Variants in STX2 observed in about 807,000 individuals in gnomAD.
STX2 encodes the protein syntaxin-2.
Under a neutral mutation model 40.6 loss-of-function variants are expected in STX2, and 27 were observed. The observed-to-expected ratio is 0.66, with a 90% CI of 0.49 to 0.92. STX2 has a LOEUF of 0.92. Among genes scored for constraint, STX2 ranks in the 40% least tolerant of loss-of-function variants. The probability of loss-of-function intolerance (pLI) is 0.00; values close to 1 mark genes in which losing one functional copy is unlikely to be tolerated. For synonymous variants in STX2, 123 were observed against 119.1 expected, an observed-to-expected ratio of 1.03 and a Z score of -0.22; for missense variants, 328 against 366.1, an observed-to-expected ratio of 0.90 and a Z score of 0.85.
intron 3 of STX2, among the ~76,000 whole-genome samples, chr12:130,818,185 AATATATATATATAT>A (rs1168152790): frequency 4.3e-5 from 3 of 70,586 alleles, no homozygotes; most frequent in South Asian, 3.7e-4. Context: ...AAAAAAAAAA[AATATATATATATAT>A]ATATATATAT....
chr12:130,802,249 G>GT (rs1464577426), intron 6 of STX2, among the ~76,000 whole-genome samples: 3 of 152,226 alleles, frequency 2.0e-5, no homozygotes, highest in African/African-American at 7.2e-5. Flanking sequence ...CCAGCCTGGA[G>GT]TGCAGGGGCA....
At chr12:130,837,854 T>C (rs916524985) in intron 1 of STX2, among the ~76,000 whole-genome samples, 2 of 152,176 alleles carry the variant, frequency 1.3e-5, no homozygotes, top group African/African-American at 2.4e-5. Flanking sequence ...ATTTGTCCAT[T>C]AATAAAAAAG....
chr12:130,802,071 T>C lies in STX2; in HGVS notation c.464-583A>G, dbSNP rs534084928. The stretch of plus-strand genomic sequence containing the variant: ...TTCAAATGTCATCTAATAAGCAGCA[T>C]TATTCATAATTGCCAAAAAGTGGAA... On this transcript the variant is annotated intron_variant, in intron 6 of 10. Transcript: ENST00000392373. Among the ~76,000 whole-genome samples the C allele has an allele frequency of 3.9e-4, 59 of 152,334 alleles. 2 individuals carry two copies. In the South Asian group the frequency reaches 0.012, roughly 30 times the overall value.
chr12:130,810,900 A>G (rs1386493858), intron 4 of STX2: 2 of 152,322 alleles, frequency 1.3e-5, no homozygotes, highest in South Asian at 2.1e-4. Flanking sequence ...CATTCGTCCT[A>G]CAGAACCTGC....
chr12:130,808,439 T>C (rs73162871), intron 5 of STX2, among the ~76,000 whole-genome samples, 192 bp downstream of exon 5: 26 of 152,360 alleles, frequency 1.7e-4, no homozygotes, highest in Non-Finnish European at 3.8e-4. Context: ...TTTCTCCAAG[T>C]GTGTCCTCAA....
intron 1 of STX2, among the ~76,000 whole-genome samples, chr12:130,835,813 T>C (rs1413081082): frequency 6.6e-6 from 1 of 152,172 alleles, no homozygotes; most frequent in East Asian, 1.9e-4. Flanking sequence ...TCACGCAAAC[T>C]TTCTATGCCC....
At chr12:130,812,914 A>G in intron 4 of STX2, 43 bp downstream of exon 4, 2 of 1,323,716 alleles carry the variant, frequency 1.5e-6, no homozygotes, top group Non-Finnish European at 2.1e-6. Context: ...ACAAATACCC[A>G]TACTCCCAAC....
chr12:130,827,237 C>G lies in STX2; in HGVS notation c.61G>C (p.Val21Leu). ...ATGAAATGATCTTTCTCAACCACAA[C>G]AACTGTGTCTCCATCATCATTCTTC... Reference protein sequence around the residue: ...CRKNDDGDTVVVVEKDHFMDD... With the variant: ...CRKNDDGDTVLVVEKDHFMDD... The change falls in exon 2 of 11, where the codon GTT becomes CTT. Residue 21 changes from valine to leucine, a missense_variant. Transcript: ENST00000392373. 6.2e-7 allele frequency: 1 copy of G among 1,613,982 alleles called. No individual in the cohort carries two copies. The highest frequency in any genetic ancestry group is 8.5e-7 in the Non-Finnish European group (1 of 1,179,948).
chr12:130,829,472 T>G (rs980293035), intron 1 of STX2, among the ~76,000 whole-genome samples: 8 of 151,840 alleles, frequency 5.3e-5, no homozygotes, highest in Non-Finnish European at 1.0e-4. Flanking sequence ...CACTCTACCC[T>G]GGGGGAAGAT....
chr12:130,827,599 T>C (rs975183976), intron 1 of STX2, among the ~76,000 whole-genome samples: 2 of 152,254 alleles, frequency 1.3e-5, no homozygotes, highest in Admixed American at 6.5e-5. Flanking sequence ...AAACTGCTGG[T>C]GTTGCATATT....
At position 130,806,421 on chromosome 12, in the gene STX2, C is replaced by G. The variant is rs538957348; in HGVS notation, c.463+561G>C. On this transcript the variant is annotated intron_variant, in intron 6 of 10. Transcript: ENST00000392373. ...GAGAGGCAGAGCAGCTGCAGTGGGA[C>G]GTCCTCACAGTGGGTTTGTGTCACA... Among the ~76,000 whole-genome samples, 13 of 152,308 alleles carry G rather than the reference C, an allele frequency of 8.5e-5. No homozygotes were observed. In the East Asian group the frequency reaches 2.3e-3, roughly 27 times the overall value.
In STX2 at chr12:130,821,071, G is replaced by A. The variant is rs148302793; in HGVS notation, c.205+618C>T. Among the ~76,000 whole-genome samples the A allele has an allele frequency of 4.0e-3, 616 of 152,246 alleles. 17 individuals carry two copies. Among genetic ancestry groups the A allele is most frequent in the Admixed American group, 0.037 (564 of 15,288 alleles). ...CCAATGAGGAGATGCAAATACCACG[G>A]GGAAGCAAATTGAGACAAAAATCCA... On this transcript the variant is annotated intron_variant, in intron 3 of 10. Transcript: ENST00000392373.
At chr12:130,819,068 C>A (rs937640721) in intron 3 of STX2, among the ~76,000 whole-genome samples, 1 of 152,242 alleles carries the variant, frequency 6.6e-6, no homozygotes, top group Non-Finnish European at 1.5e-5. Context: ...CCTCTCTGCC[C>A]TGGGATCCGC....
intron 1 of STX2, among the ~76,000 whole-genome samples, chr12:130,830,775 G>GTCCATATCTCAGTCCA (rs1952529829): frequency 6.6e-6 from 1 of 152,134 alleles, no homozygotes; most frequent in Admixed American, 6.5e-5. Context: ...TCCATGTTCA[G>GTCCATATCTCAGTCCA]TCTTTCAGGC....
At chr12:130,813,113 T>A in intron 3 of STX2, 82 bp from the exon 4 acceptor site, 1 of 853,100 alleles carries the variant, frequency 1.2e-6, no homozygotes, top group East Asian at 3.2e-5. Context: ...TAAATTTAAG[T>A]GAAACAGTAT....
chr12:130,802,668 AT>A lies in STX2; in HGVS notation c.464-1181del, dbSNP rs369083644. On this transcript the variant is annotated intron_variant, in intron 6 of 10. Transcript: ENST00000392373. ...ACACACCCATGCCTGGTTTATTTTT[AT>A]TTTTTTTTACAGAGATGGGGTTTTG... 7.5e-4 allele frequency among the ~76,000 whole-genome samples: 113 copies of A among 150,508 alleles called. 1 individual carries two copies. The highest frequency in any genetic ancestry group is 2.7e-3 in the African/African-American group (110 of 41,050).
chr12:130,804,486 T>A (rs1247946645), intron 6 of STX2, among the ~76,000 whole-genome samples: 1 of 152,100 alleles, frequency 6.6e-6, no homozygotes, highest in Non-Finnish European at 1.5e-5. Context: ...TGGTCCCAAG[T>A]GTTGTCAAGC....
At chr12:130,808,496 C>T (rs188965867) in intron 5 of STX2, 135 bp downstream of exon 5, 2 of 837,112 alleles carry the variant, frequency 2.4e-6, no homozygotes, top group African/African-American at 3.5e-5. Flanking sequence ...TTTTACAATA[C>T]TATATTATTT....
In STX2 at chr12:130,807,081, G is replaced by T. The variant is rs768442874; in HGVS notation, c.364C>A (p.Leu122Met). Residue 122 changes from leucine to methionine, a missense_variant, in exon 6 of 11, where the codon CTG becomes ATG. By Grantham distance (15) the Leu-to-Met change is conservative (BLOSUM62 2). Transcript: ENST00000392373. ...LRIRRTQHSVLSRKFVEAMAE... is the reference protein window; with the variant it reads ...LRIRRTQHSVMSRKFVEAMAE... ...ATGGCTTCCACAAACTTCCGAGACAGCACCGAATGCTAACAACACAGGAAA... is the reference window on the plus strand; with the variant it reads ...ATGGCTTCCACAAACTTCCGAGACATCACCGAATGCTAACAACACAGGAAA... The T allele has an allele frequency of 1.2e-6, 2 of 1,614,022 alleles. No homozygotes were observed. The highest frequency in any genetic ancestry group is 1.7e-6 in the Non-Finnish European group (2 of 1,179,994).
Sources: gnomAD v4.1 joint callset for allele counts (sites outside exome capture counted in the v4.1 genomes callset) on GRCh38, gnomAD v4.1.1 for gene constraint, MANE v1.5 for transcripts, NCBI Gene and HGNC (gene_info 2026-07-23, HGNC 2026-07-21) for gene names.